NKAIN2: variants seen among roughly 807,000 people sequenced by gnomAD.
NKAIN2 encodes sodium/potassium transporting ATPase interacting 2, also known as sodium/potassium-transporting ATPase subunit beta-1-interacting protein 2.
In NKAIN2, 14 loss-of-function variants were observed where a neutral mutation model predicts 32.6. The ratio of observed to expected loss-of-function variants is 0.43; its 90% confidence interval spans 0.28 to 0.67. NKAIN2 has a LOEUF of 0.67. Ranked by LOEUF, NKAIN2 falls within the 30% of genes least tolerant of loss-of-function variation. The pLI is 0.17. For missense variants in NKAIN2, 198 were observed against 258.3 expected, an observed-to-expected ratio of 0.77 and a Z score of 1.60; for synonymous variants, 80 against 87.2, an observed-to-expected ratio of 0.92 and a Z score of 0.46.
At position 124,824,489 on chromosome 6, in the gene NKAIN2, C is replaced by A. The variant is rs192830580; in HGVS notation, c.*1260C>A. ...TGTGGCAGAAAAACTGTGCTGTTAA[C>A]GTAGTTGGCAACAAGATGCCTTTGG... On this transcript the variant is annotated 3_prime_UTR_variant, in exon 7 of 7. Coordinates refer to ENST00000368417, the MANE Select transcript of NKAIN2 (RefSeq NM_001040214.3). The A allele has an allele frequency of 1.3e-5, 2 of 152,008 alleles. No homozygotes were observed. The highest frequency in any genetic ancestry group is 2.9e-5 in the Non-Finnish European group (2 of 67,992). 9.4% of individuals were successfully genotyped at this position (152,008 alleles called of 1,614,324 possible). A position where few individuals can be genotyped will look rare whatever the true frequency, so the allele number is the denominator to read the frequency against.
chr6:124,534,154 T>A (rs1009778018), intron 3 of NKAIN2, among the ~76,000 whole-genome samples: 15 of 152,166 alleles, frequency 9.9e-5, no homozygotes, highest in Non-Finnish European at 2.1e-4. Context: ...TTTTTTCCTT[T>A]TTTGGGGGGC....
At chr6:123,970,094 T>G (rs1486855335) in intron 1 of NKAIN2, among the ~76,000 whole-genome samples, 1 of 149,436 alleles carries the variant, frequency 6.7e-6, no homozygotes, top group Non-Finnish European at 1.5e-5. Context: ...ACACACAAAA[T>G]ACTGATTATT....
chr6:123,956,166 T>C (rs1464363111), intron 1 of NKAIN2, among the ~76,000 whole-genome samples: 1 of 152,150 alleles, frequency 6.6e-6, no homozygotes. Flanking sequence ...GATGCTTGAC[T>C]TGGGAGAATA....
At chr6:124,790,049 G>T (rs1319433628) in intron 4 of NKAIN2, among the ~76,000 whole-genome samples, 1 of 151,998 alleles carries the variant, frequency 6.6e-6, no homozygotes, top group Non-Finnish European at 1.5e-5. Context: ...TGCCTCCCCA[G>T]TGTGGGCACT....
chr6:124,810,196 C>A (rs570926955), intron 5 of NKAIN2, among the ~76,000 whole-genome samples: 2 of 151,750 alleles, frequency 1.3e-5, no homozygotes, highest in Non-Finnish European at 2.9e-5. Context: ...ATGTTTATTG[C>A]GGCACTATTC....
At chr6:124,515,218 G>A (rs907529121) in intron 3 of NKAIN2, among the ~76,000 whole-genome samples, 5 of 152,010 alleles carry the variant, frequency 3.3e-5, no homozygotes, top group African/African-American at 1.2e-4. Flanking sequence ...TGGTCACTTT[G>A]TGTTGCTGTA....
chr6:124,478,507 C>T (rs1476111716), intron 3 of NKAIN2, among the ~76,000 whole-genome samples: 4 of 152,142 alleles, frequency 2.6e-5, no homozygotes, highest in Admixed American at 6.6e-5. Context: ...CACACACACA[C>T]GTGCATGTGC....
chr6:124,616,208 T>C (rs140412725), intron 3 of NKAIN2, among the ~76,000 whole-genome samples: 86 of 152,162 alleles, frequency 5.7e-4, no homozygotes, highest in Non-Finnish European at 9.7e-4. Context: ...TTCTTGTAAG[T>C]GTCATCTCCT....
intron 1 of NKAIN2, among the ~76,000 whole-genome samples, chr6:124,276,094 G>C (rs927911357): frequency 6.6e-6 from 1 of 151,824 alleles, no homozygotes; most frequent in African/African-American, 2.4e-5. Flanking sequence ...AGCAATTAGG[G>C]CCAAGTCTCT....
chr6:124,163,952 C>A lies in NKAIN2; in HGVS notation c.55-119053C>A, dbSNP rs867475882. Among the ~76,000 whole-genome samples, 12 of 152,078 alleles carry A rather than the reference C, an allele frequency of 7.9e-5. No homozygotes were observed. The Middle Eastern group carries it at 0.02, about 259-fold the overall frequency. ...ATAGAGAGCAGGCTGTTATAGACAACCCTGAAGTCATTTGAAGTGAACTGA... is the reference window on the plus strand; with the variant it reads ...ATAGAGAGCAGGCTGTTATAGACAAACCTGAAGTCATTTGAAGTGAACTGA... On this transcript the variant is annotated intron_variant, in intron 1 of 6. Transcript: ENST00000368417.
At chr6:124,623,193 T>G (rs1442202437) in intron 3 of NKAIN2, among the ~76,000 whole-genome samples, 2 of 152,184 alleles carry the variant, frequency 1.3e-5, no homozygotes, top group African/African-American at 4.8e-5. Flanking sequence ...TTCAACCCAC[T>G]GTAATACTCA....
intron 4 of NKAIN2, among the ~76,000 whole-genome samples, chr6:124,708,128 G>C (rs974148263): frequency 1.4e-5 from 2 of 147,672 alleles, no homozygotes; most frequent in African/African-American, 5.1e-5. Flanking sequence ...TTTTTCTCAG[G>C]TTTGTCAAAG....
chr6:124,724,169 CTGCCA>C (rs1475045210), intron 4 of NKAIN2, among the ~76,000 whole-genome samples: 2 of 152,086 alleles, frequency 1.3e-5, no homozygotes, highest in African/African-American at 4.8e-5. Flanking sequence ...GCTAAACTGT[CTGCCA>C]TTCTAGAGAG....
At position 124,791,365 on chromosome 6, in the gene NKAIN2, T is replaced by C. The variant is rs747121176; in HGVS notation, c.501T>C (p.Tyr167=). 10 of 1,609,764 alleles carry C rather than the reference T, an allele frequency of 6.2e-6. No homozygotes were observed. Among genetic ancestry groups the C allele is most frequent in the Admixed American group, 3.3e-5 (2 of 59,854 alleles). ...TGGCAGGTTTCATCTACGCCTGTTA[T>C]GTTGTGAAATGTATAACTGAAGAAG... ...LALAGFIYAC[Y]VVKCITEEED... Residue 167 remains tyrosine, a synonymous_variant, in exon 5 of 7, where the codon TAT becomes TAC. Coordinates refer to ENST00000368417, the MANE Select transcript of NKAIN2 (RefSeq NM_001040214.3).
chr6:124,267,733 T>C (rs1192892748), intron 1 of NKAIN2, among the ~76,000 whole-genome samples: 1 of 152,196 alleles, frequency 6.6e-6, no homozygotes, highest in Non-Finnish European at 1.5e-5. Flanking sequence ...ATATCTGACA[T>C]ATGTTACTTT....
rs192174041 is a variant in NKAIN2, at chr6:123,978,590, G to A, written c.54+174336G>A. Among the ~76,000 whole-genome samples, 414 of 152,184 alleles carry A rather than the reference G, an allele frequency of 2.7e-3. 5 individuals carry two copies. The highest frequency in any genetic ancestry group is 9.2e-3 in the African/African-American group (383 of 41,530). ...CCTAGTCTCCCAGAAAAATGAATGC[G>A]TTGTTGAACAGCTTAATTAAAAACA... On this transcript the variant is annotated intron_variant, in intron 1 of 6. Coordinates refer to ENST00000368417, the MANE Select transcript of NKAIN2 (RefSeq NM_001040214.3).
intron 1 of NKAIN2, among the ~76,000 whole-genome samples, chr6:123,902,946 T>C (rs767642999): frequency 6.6e-6 from 1 of 152,170 alleles, no homozygotes; most frequent in Non-Finnish European, 1.5e-5. Flanking sequence ...ATTACTAATA[T>C]AGTGTAATGT....
intron 4 of NKAIN2, among the ~76,000 whole-genome samples, chr6:124,728,054 A>G (rs1198781726): frequency 6.6e-6 from 1 of 151,656 alleles, no homozygotes; most frequent in Admixed American, 6.6e-5. Context: ...CCGGATTAAT[A>G]AAGCAAGTCC....
intron 5 of NKAIN2, among the ~76,000 whole-genome samples, chr6:124,806,527 C>A (rs1780571516): frequency 6.6e-6 from 1 of 151,974 alleles, no homozygotes; most frequent in Non-Finnish European, 1.5e-5. Context: ...CCAGCCACTG[C>A]AAAATCATGC....
Sources: gnomAD v4.1 joint callset for allele counts (sites outside exome capture counted in the v4.1 genomes callset) on GRCh38, gnomAD v4.1.1 for gene constraint, MANE v1.5 for transcripts, NCBI Gene and HGNC (gene_info 2026-07-23, HGNC 2026-07-21) for gene names.